Variants in STAB1 observed in about 807,000 individuals in gnomAD.
The protein encoded by STAB1 is stabilin 1.
A neutral mutation model predicts 332.4 loss-of-function variants in STAB1; 250 were observed. That is an observed-to-expected ratio of 0.75 (90% CI 0.68 to 0.84). The LOEUF (loss-of-function observed/expected upper bound fraction) is 0.84, where lower values mean the gene tolerates loss of function less well. Among genes scored for constraint, STAB1 ranks in the 40% least tolerant of loss-of-function variants. The probability of loss-of-function intolerance (pLI) is 0.00; values close to 1 mark genes in which losing one functional copy is unlikely to be tolerated. For missense variants in STAB1, 3,249 were observed against 3,489.7 expected (o/e 0.93, Z 1.74); for synonymous variants, 1,475 against 1,390.4 (o/e 1.06, Z -1.35).
chr3:52,523,470 C>T lies in STAB1; in HGVS notation c.7184C>T (p.Thr2395Ile), dbSNP rs542545521. Residue 2395 changes from threonine (T) to isoleucine (I), a missense_variant, in exon 65 of 69, where the codon ACC becomes ATC. Transcript: ENST00000321725. ...PDLELHASNA[T>I]LLSANASQGK... ...TTGGAGCTGCATGCCTCCAACGCCA[C>T]CCTCCTAAGTGCCAACGCCAGCCAG... 1.8e-4 allele frequency: 283 copies of T among 1,611,226 alleles called. 2 individuals carry two copies. The South Asian group carries it at 2.3e-3, about 13-fold the overall frequency.
chr3:52,519,190 A>C, intron 48 of STAB1, 74 bp from the exon 49 acceptor site: 1 of 1,551,592 alleles, frequency 6.4e-7, no homozygotes, highest in Non-Finnish European at 8.7e-7. Context: ...CCCAGGTTCA[A>C]CCTCCACCTC....
rs545284888 is a variant in STAB1 at position 52,517,337 on chromosome 3, A to G, written c.4507A>G (p.Ile1503Val). The change falls in exon 43 of 69, where the codon ATC (isoleucine) becomes GTC (valine). Residue 1503 changes from isoleucine (I) to valine (V), a missense_variant. Transcript: ENST00000321725. ...TCCCCCAGAAATTAACAGCTGTCTC[A>G]TCCACCACGGGGGCTGCCACATTCA... ...ELCQEINSCL[I>V]HHGGCHIHAE... 2.4e-5 allele frequency: 39 copies of G among 1,594,260 alleles called. No homozygotes were observed. In the East Asian group the frequency reaches 8.1e-4, roughly 33 times the overall value.
chr3:52,511,444 G>A (rs1340880472), intron 25 of STAB1, among the ~76,000 whole-genome samples: 2 of 152,178 alleles, frequency 1.3e-5, no homozygotes, highest in Non-Finnish European at 2.9e-5. Context: ...TCTCACCTCC[G>A]TGGACTCATC....
chr3:52,523,089 G>A lies in STAB1; in HGVS notation c.6975G>A (p.Leu2325=), dbSNP rs1040874540. The part of the protein sequence containing the change: ...GDGISTCNGK[L]LDVLAATANF... ...GGATCAGCACGTGCAATGGGAAGCT[G>A]CTGGATGTGCTGGCTGCCACTGCCA... The change falls in exon 63 of 69, where the codon CTG becomes CTA. Residue 2325 remains leucine, a synonymous_variant. Transcript: ENST00000321725. 1 of 1,572,968 alleles carries A rather than the reference G, an allele frequency of 6.4e-7. No homozygotes were observed. The highest frequency in any genetic ancestry group is 1.3e-5 in the African/African-American group (1 of 74,500).
At chr3:52,522,012 C>T (rs1346990630) in intron 58 of STAB1, 25 bp from the exon 59 acceptor site, 2 of 1,611,810 alleles carry the variant, frequency 1.2e-6, no homozygotes, top group Non-Finnish European at 1.7e-6. Flanking sequence ...GTCACTAGGT[C>T]CAACCACTCC....
chr3:52,519,785 C>T (rs1236679013), intron 50 of STAB1, 159 bp from the exon 51 acceptor site: 11 of 1,157,110 alleles, frequency 9.5e-6, no homozygotes, highest in Non-Finnish European at 1.3e-5. Context: ...CAGCAGTGTG[C>T]ACAGTTGAGA....
intron 29 of STAB1, 36 bp downstream of exon 29, chr3:52,512,994 C>T (rs1428105420): frequency 2.5e-6 from 4 of 1,598,238 alleles, no homozygotes; most frequent in African/African-American, 2.7e-5. Context: ...GGAGGGGCTT[C>T]CTTGAGGGAC....
chr3:52,504,783 G>A lies in STAB1; in HGVS notation c.1284G>A (p.Gly428=), dbSNP rs1708724315. 1 of 1,613,822 alleles carries A rather than the reference G, an allele frequency of 6.2e-7. No homozygotes were observed. The highest frequency in any genetic ancestry group is 1.3e-5 in the African/African-American group (1 of 74,938). Residue 428 remains glycine, a synonymous_variant, in exon 12 of 69, where the codon GGG becomes GGA. Coordinates refer to ENST00000321725, the MANE Select transcript of STAB1 (RefSeq NM_015136.3). ...TCTGTAGACAGCACATCATCGCAGG[G>A]CAGCACATCCTGGAGGACACAAGGA... ...QQLCRQHIIA[G]QHILEDTRTQ...
rs1397375316 is a variant in STAB1, at chr3:52,504,095, C to T, written c.1090C>T (p.Gln364Ter). The T allele has an allele frequency of 6.3e-7, 1 of 1,589,088 alleles. No individual in the cohort carries two copies. Among genetic ancestry groups the T allele is most frequent in the Non-Finnish European group, 8.6e-7 (1 of 1,168,140 alleles). ...ACYGHLLHEV[Q>*]KATQTGRVFL... is the part of the protein sequence containing the mutation. Reference sequence around the variant, plus strand: ...CTACGGACACCTGCTCCACGAGGTGCAGAAGGCCACGCAGACAGGCCGGGT... The same window carrying T: ...CTACGGACACCTGCTCCACGAGGTGTAGAAGGCCACGCAGACAGGCCGGGT... Residue 364 changes from glutamine (Q) to a stop codon, truncating the protein, a stop_gained, in exon 10 of 69, where the codon CAG (glutamine) becomes TAG (stop). Transcript: ENST00000321725. LOFTEE classifies it high-confidence loss of function.
At position 52,505,766 on chromosome 3, in the gene STAB1, C is replaced by T. The variant is rs1343816966; in HGVS notation, c.1680C>T (p.Ile560=). 1 of 1,613,878 alleles carries T rather than the reference C, an allele frequency of 6.2e-7. No homozygotes were observed. The highest frequency in any genetic ancestry group is 1.1e-5 in the South Asian group (1 of 91,084). Residue 560 remains isoleucine, a synonymous_variant, in exon 15 of 69, where the codon ATC becomes ATT. Transcript: ENST00000321725. ...AVDSLRDGRL[I]YLFTAGLSKL... is the part of the protein sequence containing the mutation. Reference sequence around the variant, plus strand: ...ACAGCTTGCGTGACGGCCGCCTGATCTACCTCTTCACAGCGGTAAGCTCAG... The same window carrying T: ...ACAGCTTGCGTGACGGCCGCCTGATTTACCTCTTCACAGCGGTAAGCTCAG...
At position 52,524,156 on chromosome 3, in the gene STAB1, C is replaced by T. The variant is rs1330723608; in HGVS notation, c.7599C>T (p.Thr2533=). The T allele has an allele frequency of 6.2e-7, 1 of 1,614,064 alleles. No homozygotes were observed. The highest frequency in any genetic ancestry group is 1.3e-5 in the African/African-American group (1 of 75,076). ...FSPWQEGTNP[T]LVSVPNPVFG... ...CGTGGCAAGAAGGGACCAACCCCAC[C>T]CTGGTCTCTGTCCCCAACCCTGTCT... Residue 2533 remains threonine (T), a synonymous_variant, in exon 68 of 69, where the codon ACC becomes ACT. Coordinates refer to ENST00000321725, the MANE Select transcript of STAB1 (RefSeq NM_015136.3).
Position 52,495,407 on chromosome 3 carries a change from AC to A in STAB1, c.-5del. 7.5e-7 allele frequency: 1 copy of A among 1,337,050 alleles called. No homozygotes were observed. The highest frequency in any genetic ancestry group is 2.8e-5 in the East Asian group (1 of 35,846). 82.8% of individuals were successfully genotyped at this position (1,337,050 alleles called of 1,614,324 possible). ...CGACTCTGTCCTGGACAGCGTGCCC[AC>A]CAGCCATGGCGGGGCCCCGGGGCCT... On this transcript the variant is annotated 5_prime_UTR_variant, in exon 1 of 69. Transcript: ENST00000321725.
intron 24 of STAB1, 28 bp from the exon 25 acceptor site, chr3:52,510,321 C>T: frequency 3.1e-6 from 5 of 1,613,766 alleles, no homozygotes; most frequent in Non-Finnish European, 4.2e-6. Context: ...TCTTGTGTCC[C>T]TCAGTTATTT....
intron 45 of STAB1, 60 bp downstream of exon 45, chr3:52,518,063 C>G: frequency 6.5e-7 from 1 of 1,549,782 alleles, no homozygotes; most frequent in South Asian, 1.2e-5. Context: ...GGGCCTGACC[C>G]ATGGTCTTGG....
chr3:52,516,185 G>C lies in STAB1; in HGVS notation c.4091G>C (p.Gly1364Ala). The stretch of plus-strand genomic sequence containing the variant: ...TGCCACTGCCACGAGGGCTTCCATG[G>C]AACGGCCTGTGAGGTGTGTGAGCTG... ...GECHCHEGFH[G>A]TACEVCELGR... is the part of the protein sequence containing the mutation. The change falls in exon 38 of 69, where the codon GGA (glycine) becomes GCA (alanine). Residue 1364 changes from glycine (G) to alanine (A), a missense_variant. Transcript: ENST00000321725. The C allele has an allele frequency of 6.2e-7, 1 of 1,612,548 alleles. No individual in the cohort carries two copies. The highest frequency in any genetic ancestry group is 8.5e-7 in the Non-Finnish European group (1 of 1,179,850).
At chr3:52,512,724 C>T in intron 28 of STAB1, 81 bp downstream of exon 28, 15 of 1,611,360 alleles carry the variant, frequency 9.3e-6, no homozygotes, top group African/African-American at 1.3e-5. Context: ...ATAACATCTC[C>T]AAGCGTGGGA....
Position 52,509,298 on chromosome 3 carries a change from A to G in STAB1, c.2324A>G (p.Lys775Arg), listed in dbSNP as rs1709116261. Residue 775 changes from lysine to arginine, a missense_variant, in exon 22 of 69, where the codon AAG becomes AGG. Lys to Arg is a conservative substitution (Grantham distance 26). Transcript: ENST00000321725. ...TGCCACATCTGCTCGAACCCAAACA[A>G]GCATGGAGAGCAATGCCAGGAAGGT... is the stretch of plus-strand genomic sequence containing the variant. The part of the protein sequence containing the change: ...IACHICSNPN[K>R]HGEQCQEDCG... 1.2e-6 allele frequency: 2 copies of G among 1,613,408 alleles called. No individual in the cohort carries two copies. The highest frequency in any genetic ancestry group is 1.7e-6 in the Non-Finnish European group (2 of 1,179,982).
At chr3:52,495,523 C>A in intron 1 of STAB1, 32 bp downstream of exon 1, 1 of 1,301,154 alleles carries the variant, frequency 7.7e-7, no homozygotes. Flanking sequence ...GGGCACACGG[C>A]GTCTGGGCCC....
chr3:52,502,945 T>C, intron 6 of STAB1, 54 bp from the exon 7 acceptor site: 1 of 1,455,400 alleles, frequency 6.9e-7, no homozygotes, highest in Non-Finnish European at 9.2e-7. Flanking sequence ...TTTGCCCCTG[T>C]GTTCCTCCCC....
Sources: allele counts gnomAD v4.1 joint callset (sites outside exome capture counted in the v4.1 genomes callset), GRCh38; gene constraint gnomAD v4.1.1; transcripts MANE v1.5; gene names NCBI Gene and HGNC (gene_info 2026-07-23, HGNC 2026-07-21).